The following LSM7 variants were observed in gnomAD, a reference collection of about 807,000 sequenced individuals.
LSM7 encodes the protein U6 snRNA-associated Sm-like protein LSm7.
LSM7 carries 13 observed loss-of-function variants against 14.1 expected under a neutral mutation model. The observed-to-expected ratio is 0.92, with a 90% CI of 0.60 to 1.47. The LOEUF is 1.47. Ranked by LOEUF, LSM7 falls within the 40% of genes most tolerant of loss-of-function variation. LSM7 has a pLI of 0.00. For missense variants in LSM7, 108 were observed against 140.8 expected, an observed-to-expected ratio of 0.77 and a Z score of 1.18; for synonymous variants, 70 against 57.1, an observed-to-expected ratio of 1.23 and a Z score of -1.02.
At chr19:2,327,204 G>A (rs967379335) in intron 2 of LSM7, among the ~76,000 whole-genome samples, 13 of 152,232 alleles carry the variant, frequency 8.5e-5, no homozygotes, top group Non-Finnish European at 1.8e-4. Context: ...GCTCACTCAT[G>A]TCCTTCCATG....
At chr19:2,324,506 G>C (rs1303851744) in intron 2 of LSM7, 1 of 429,316 alleles carries the variant, frequency 2.3e-6, no homozygotes, top group Non-Finnish European at 4.3e-6. Context: ...ATGTGTGGCT[G>C]AACTGCGGCC....
Position 2,321,898 on chromosome 19 carries a change from G to T in LSM7, c.170-76C>A. 1.6e-6 allele frequency: 2 copies of T among 1,277,850 alleles called. No individual in the cohort carries two copies. The highest frequency in any genetic ancestry group is 1.6e-5 in the African/African-American group (1 of 62,568). 79.2% of individuals were successfully genotyped at this position (1,277,850 alleles called of 1,614,324 possible). ...GACCCCCCACCCACCCAAGACCCTC[G>T]CTCCGACCTCCCCACCTGCACCCTG... is the stretch of plus-strand genomic sequence containing the variant. On this transcript the variant is annotated intron_variant, in intron 3 of 3. Transcript: ENST00000252622. This position sits in a 1 kb window ranked among gnomAD's most constrained non-coding sequence, Gnocchi z 5.0.
chr19:2,327,702 G>C (rs1304731326), intron 2 of LSM7, among the ~76,000 whole-genome samples: 1 of 152,146 alleles, frequency 6.6e-6, no homozygotes, highest in African/African-American at 2.4e-5. Flanking sequence ...CCGTCCGGCT[G>C]GGGCACTGTG....
rs557308822 is a variant in LSM7, at chr19:2,322,278, G to A, written c.170-456C>T. On this transcript the variant is annotated intron_variant, in intron 3 of 3. Transcript: ENST00000252622. ...CTGGGGGCCGGGCGCGGTGGCTCAC[G>A]CCTGTAATCCCAGCACTTTGGGAGG... is the stretch of plus-strand genomic sequence containing the variant. Among the ~76,000 whole-genome samples, 269 of 152,202 alleles carry A rather than the reference G, an allele frequency of 1.8e-3. 1 individual carries two copies. The highest frequency in any genetic ancestry group is 6.3e-3 in the African/African-American group (260 of 41,544).
At chr19:2,322,547 TA>T (rs1156829326) in intron 3 of LSM7, among the ~76,000 whole-genome samples, 2 of 151,432 alleles carry the variant, frequency 1.3e-5, no homozygotes, top group Non-Finnish European at 2.9e-5. Flanking sequence ...TCTCAAAAAA[TA>T]AAAAAATAAA....
intron 2 of LSM7, among the ~76,000 whole-genome samples, chr19:2,327,157 A>T (rs1025893121): frequency 2.0e-5 from 3 of 152,254 alleles, no homozygotes; most frequent in African/African-American, 7.2e-5. Context: ...TGAAGGGCAG[A>T]AAACAAAGGG....
intron 3 of LSM7, among the ~76,000 whole-genome samples, chr19:2,322,466 A>C (rs1353773815): frequency 1.3e-5 from 2 of 152,128 alleles, no homozygotes; most frequent in Admixed American, 6.5e-5. Context: ...GTGTGAACCC[A>C]GGAGGCGGAG....
At chr19:2,324,034 C>A in intron 3 of LSM7, 91 bp downstream of exon 3, 1 of 834,010 alleles carries the variant, frequency 1.2e-6, no homozygotes, top group Non-Finnish European at 1.8e-6. Context: ...ACGGCTGCCC[C>A]CCTCGTCCCA....
intron 2 of LSM7, among the ~76,000 whole-genome samples, chr19:2,326,582 C>T (rs1371196420): frequency 2.0e-5 from 3 of 151,426 alleles, no homozygotes; most frequent in Non-Finnish European, 4.4e-5. Flanking sequence ...GTGATCTGCC[C>T]GCCTCAGCCT....
intron 2 of LSM7, among the ~76,000 whole-genome samples, chr19:2,327,124 G>C (rs1327999876): frequency 1.3e-5 from 2 of 152,236 alleles, no homozygotes; most frequent in African/African-American, 4.8e-5. Flanking sequence ...TGCTGTTTCA[G>C]CTGCTAAATG....
At chr19:2,326,512 T>A (rs1968021742) in intron 2 of LSM7, among the ~76,000 whole-genome samples, 1 of 152,318 alleles carries the variant, frequency 6.6e-6, no homozygotes, top group East Asian at 1.9e-4. Flanking sequence ...ATTTTTGTAT[T>A]TTTAGTAGAG....
chr19:2,325,468 C>T (rs952347990), intron 2 of LSM7, among the ~76,000 whole-genome samples: 6 of 152,196 alleles, frequency 3.9e-5, no homozygotes, highest in African/African-American at 1.4e-4. Context: ...ACAGCCCTTA[C>T]GGTGCTGCCC....
chr19:2,326,311 T>TG (rs1371989990), intron 2 of LSM7, among the ~76,000 whole-genome samples: 2,197 of 102,854 alleles, frequency 0.021, 55 homozygotes, highest in South Asian at 0.13. Flanking sequence ...CTTTCTGCTT[T>TG]TTGTGTGTGT....
intron 3 of LSM7, 77 bp downstream of exon 3, chr19:2,324,048 C>A: frequency 2.9e-6 from 1 of 350,532 alleles, no homozygotes; most frequent in Admixed American, 3.1e-5. Flanking sequence ...CGTCCCACTG[C>A]CCCCCTCGTC....
chr19:2,326,632 A>T (rs1234016389), intron 2 of LSM7, among the ~76,000 whole-genome samples: 1 of 152,040 alleles, frequency 6.6e-6, no homozygotes. Context: ...CACAGCGCCC[A>T]GTTAATTGTT....
intron 3 of LSM7, among the ~76,000 whole-genome samples, chr19:2,322,485 G>A (rs937571007): frequency 9.9e-5 from 15 of 152,200 alleles, no homozygotes; most frequent in African/African-American, 3.6e-4. Flanking sequence ...AGCTTGCAGT[G>A]AGCCGAGATC....
At chr19:2,324,044 A>G (rs1216355967) in intron 3 of LSM7, 81 bp downstream of exon 3, 30 of 259,582 alleles carry the variant, frequency 1.2e-4, no homozygotes, top group African/African-American at 3.2e-4. Flanking sequence ...CCCTCGTCCC[A>G]CTGCCCCCCT....
At chr19:2,322,495 C>G (rs1967949709) in intron 3 of LSM7, among the ~76,000 whole-genome samples, 2 of 152,172 alleles carry the variant, frequency 1.3e-5, no homozygotes, top group Admixed American at 6.5e-5. Context: ...GAGCCGAGAT[C>G]GCGCCACTGC....
intron 2 of LSM7, among the ~76,000 whole-genome samples, chr19:2,326,634 T>G (rs1357476747): frequency 6.6e-6 from 1 of 151,448 alleles, no homozygotes; most frequent in Non-Finnish European, 1.5e-5. Context: ...CAGCGCCCAG[T>G]TAATTGTTGT....
Sources: allele counts gnomAD v4.1 joint callset (sites outside exome capture counted in the v4.1 genomes callset), GRCh38; gene constraint gnomAD v4.1.1; non-coding constraint Gnocchi (gnomAD v3.1); transcripts MANE v1.5; gene names NCBI Gene and HGNC (gene_info 2026-07-23, HGNC 2026-07-21).